Variants in MYLK observed in about 807,000 individuals in gnomAD.
The protein encoded by MYLK is myosin light chain kinase, also known as myosin light chain kinase, smooth muscle.
MYLK carries 106 observed loss-of-function variants against 203.4 expected under a neutral mutation model. The observed-to-expected ratio is 0.52, with a 90% CI of 0.45 to 0.61. The LOEUF (loss-of-function observed/expected upper bound fraction) is 0.61. MYLK is among the 20% of genes least tolerant of loss of function. The pLI, the probability that MYLK is intolerant of heterozygous loss-of-function variation, is 0.00. For synonymous variants in MYLK, 867 were observed against 959.5 expected (o/e 0.90, Z 1.78); for missense variants, 2,072 against 2,442.3 (o/e 0.85, Z 3.20).
intron 20 of MYLK, among the ~76,000 whole-genome samples, chr3:123,679,752 C>T (rs1005116404): frequency 6.6e-5 from 10 of 152,158 alleles, no homozygotes; most frequent in Admixed American, 2.0e-4. Context: ...CCTGCTGCTC[C>T]CCCACTAACT....
chr3:123,791,290 G>A (rs2064770789), intron 4 of MYLK, among the ~76,000 whole-genome samples: 2 of 152,174 alleles, frequency 1.3e-5, no homozygotes, highest in Admixed American at 1.3e-4. Flanking sequence ...CAAAACCCAT[G>A]CCACCTCAGG....
intron 2 of MYLK, among the ~76,000 whole-genome samples, chr3:123,861,547 A>G (rs1032081843): frequency 7.2e-5 from 11 of 152,276 alleles, no homozygotes; most frequent in African/African-American, 2.7e-4. Flanking sequence ...CTGAATGTCT[A>G]GCATTAGTGT....
At chr3:123,726,121 C>A in intron 11 of MYLK, 43 bp from the exon 12 acceptor site, 1 of 1,612,454 alleles carries the variant, frequency 6.2e-7, no homozygotes. Context: ...ACAGCTTGCC[C>A]ACTCTGGTGA....
chr3:123,852,639 G>A (rs905594323), intron 2 of MYLK, among the ~76,000 whole-genome samples: 11 of 151,588 alleles, frequency 7.3e-5, no homozygotes, highest in Non-Finnish European at 1.2e-4. Context: ...TATTAGTCTC[G>A]CTAGCGGTCT....
intron 20 of MYLK, among the ~76,000 whole-genome samples, chr3:123,675,397 C>T (rs2060041220): frequency 6.6e-6 from 1 of 152,212 alleles, no homozygotes; most frequent in Non-Finnish European, 1.5e-5. Context: ...AGGTCAGTAA[C>T]CCACAGAAGT....
At chr3:123,768,144 A>T (rs901619671) in intron 4 of MYLK, among the ~76,000 whole-genome samples, 2 of 152,210 alleles carry the variant, frequency 1.3e-5, no homozygotes, top group Non-Finnish European at 2.9e-5. Flanking sequence ...AGAAGCAGGC[A>T]TGCCTGGAGA....
chr3:123,785,822 G>A (rs911091344), intron 4 of MYLK, among the ~76,000 whole-genome samples: 13 of 152,226 alleles, frequency 8.5e-5, no homozygotes, highest in South Asian at 2.1e-4. Flanking sequence ...CGGCTGATGC[G>A]GCTGAGGAAC....
intron 2 of MYLK, among the ~76,000 whole-genome samples, chr3:123,851,073 CTGAGGGCTCTGTTT>C (rs2030736870): frequency 6.6e-6 from 1 of 152,170 alleles, no homozygotes; most frequent in Non-Finnish European, 1.5e-5. Context: ...GGTATTATTT[CTGAGGGCTCTGTTT>C]TGTTCCATTG....
intron 20 of MYLK, among the ~76,000 whole-genome samples, chr3:123,675,721 G>C (rs1032966037): frequency 1.3e-5 from 2 of 152,130 alleles, no homozygotes; most frequent in African/African-American, 4.8e-5. Context: ...AAAGGCTCCT[G>C]AAAAGGACTC....
chr3:123,856,067 T>A (rs1029325858), intron 2 of MYLK, among the ~76,000 whole-genome samples: 12 of 152,240 alleles, frequency 7.9e-5, no homozygotes, highest in African/African-American at 2.7e-4. Flanking sequence ...CAGAACTTGG[T>A]ACACTGGGGC....
rs538629159 is a variant in MYLK, at chr3:123,620,390, G to A, written c.5239-54C>T. ...AGGCGTTGTCCCTGGTTCCAGCTGG[G>A]TAGTGCGAGGGGCTGCAGGGAGTAG... On this transcript the variant is annotated intron_variant, in intron 31 of 33. Coordinates refer to ENST00000360304, the MANE Select transcript of MYLK (RefSeq NM_053025.4). 7.2e-5 allele frequency: 116 copies of A among 1,612,382 alleles called. No individual in the cohort carries two copies. In the African/African-American group the frequency reaches 1.3e-3, roughly 18 times the overall value.
At chr3:123,693,234 A>G (rs772320655) in intron 18 of MYLK, among the ~76,000 whole-genome samples, 4 of 152,154 alleles carry the variant, frequency 2.6e-5, no homozygotes, top group Non-Finnish European at 5.9e-5. Flanking sequence ...AAGGAGTCCG[A>G]CACAGGGTTA....
At chr3:123,663,660 AGGGAGCAGCCTTTGGT>A (rs2059639685) in intron 23 of MYLK, among the ~76,000 whole-genome samples, 1 of 152,146 alleles carries the variant, frequency 6.6e-6, no homozygotes, top group Non-Finnish European at 1.5e-5. Flanking sequence ...GCACAGGAGA[AGGGAGCAGCCTTTGGT>A]GGGACCAAGG....
chr3:123,788,930 G>T (rs559008968), intron 4 of MYLK, among the ~76,000 whole-genome samples: 1 of 152,188 alleles, frequency 6.6e-6, no homozygotes, highest in Non-Finnish European at 1.5e-5. Context: ...GCCAGGGCTT[G>T]TCACCATGTT....
At position 123,737,538 on chromosome 3, in the gene MYLK, A is replaced by G; in HGVS notation, c.594T>C (p.Asn198=). The G allele has an allele frequency of 6.2e-7, 1 of 1,614,136 alleles. No individual in the cohort carries two copies. Reference sequence around the variant, plus strand: ...CACGGGCACTCGGCTGCAGTGGAACATTTCCCTGTGGATGGCAATGGGGTA... The same window carrying G: ...CACGGGCACTCGGCTGCAGTGGAACGTTTCCCTGTGGATGGCAATGGGGTA... The part of the protein sequence containing the change: ...PQPQVTWLKG[N]VPLQPSARVS... The change falls in exon 8 of 34, where the codon AAT becomes AAC. Residue 198 remains asparagine (N), a synonymous_variant. Transcript: ENST00000360304.
At chr3:123,710,281 C>T (rs2061640107) in intron 13 of MYLK, among the ~76,000 whole-genome samples, 2 of 142,778 alleles carry the variant, frequency 1.4e-5, no homozygotes, top group East Asian at 2.2e-4. Context: ...TCAGAGGCAA[C>T]GAGTTTTCAG....
intron 4 of MYLK, among the ~76,000 whole-genome samples, chr3:123,769,729 C>T (rs1160424703): frequency 6.6e-6 from 1 of 152,194 alleles, no homozygotes; most frequent in African/African-American, 2.4e-5. Flanking sequence ...CTGTAACTGT[C>T]TGTGGAAAGA....
At chr3:123,858,677 A>G (rs963042754) in intron 2 of MYLK, among the ~76,000 whole-genome samples, 35 of 152,104 alleles carry the variant, frequency 2.3e-4, no homozygotes, top group African/African-American at 8.0e-4. Context: ...TCATTAACCT[A>G]TTAATCCATT....
intron 20 of MYLK, among the ~76,000 whole-genome samples, chr3:123,678,408 AG>A (rs2060146181): frequency 6.6e-6 from 1 of 152,000 alleles, no homozygotes; most frequent in South Asian, 2.1e-4. Flanking sequence ...CTTGTGAGTC[AG>A]TGTCTGGCCG....
Sources: gnomAD v4.1 joint callset for allele counts (sites outside exome capture counted in the v4.1 genomes callset) on GRCh38, gnomAD v4.1.1 for gene constraint, MANE v1.5 for transcripts, NCBI Gene and HGNC (gene_info 2026-07-23, HGNC 2026-07-21) for gene names.